Variants in ZNF718 observed in about 807,000 individuals in gnomAD.
The protein encoded by ZNF718 is zinc finger protein 718.
In ZNF718, 3 loss-of-function variants were observed where a neutral mutation model predicts 2.6. The observed-to-expected ratio is 1.16, with a 90% CI of 0.53 to 3.01. The LOEUF is 3.01. Among genes scored for constraint, ZNF718 ranks in the 30% most tolerant of loss-of-function variants. The probability of loss-of-function intolerance (pLI) is 0.03; values close to 1 mark genes in which losing one functional copy is unlikely to be tolerated. For missense variants in ZNF718, 468 were observed against 230.0 expected, an observed-to-expected ratio of 2.03 and a Z score of -6.69; for synonymous variants, 135 against 77.9, an observed-to-expected ratio of 1.73 and a Z score of -3.86.
At chr4:140,537 G>A (rs1024206192) in intron 3 of ZNF718, among the ~76,000 whole-genome samples, 4 of 152,134 alleles carry the variant, frequency 2.6e-5, no homozygotes, top group African/African-American at 9.7e-5. Context: ...GTATGGTTTG[G>A]CCCCAGTGCT....
chr4:181,423 T>C (rs1717460001), intron 3 of ZNF718, among the ~76,000 whole-genome samples: 2 of 152,032 alleles, frequency 1.3e-5, no homozygotes, highest in Admixed American at 1.3e-4. Flanking sequence ...ATTTTAACTT[T>C]TAAAATTAGA....
chr4:156,430 G>A (rs1716569762), intron 3 of ZNF718, among the ~76,000 whole-genome samples: 1 of 152,096 alleles, frequency 6.6e-6, no homozygotes, highest in Non-Finnish European at 1.5e-5. Context: ...TTTGTGATTA[G>A]AAGATAATTT....
At chr4:166,715 A>G (rs1717095917), downstream of ZNF718, among the ~76,000 whole-genome samples, 1 of 151,396 alleles carries the variant, frequency 6.6e-6, no homozygotes, top group African/African-American at 2.4e-5. Flanking sequence ...TTTTTCTTGT[A>G]AATTTGTTTG....
At chr4:174,606 G>A (rs1374569259) in intron 3 of ZNF718, among the ~76,000 whole-genome samples, 1 of 152,180 alleles carries the variant, frequency 6.6e-6, no homozygotes, top group Non-Finnish European at 1.5e-5. Context: ...TCAGCAACAA[G>A]AAACCTAGCT....
downstream of ZNF718, among the ~76,000 whole-genome samples, chr4:167,800 G>C (rs1172167262): frequency 6.6e-6 from 1 of 152,102 alleles, no homozygotes; most frequent in African/African-American, 2.4e-5. Context: ...TCTGCAAACA[G>C]GGACAATTTT....
At chr4:151,246 G>A (rs782168954) in intron 3 of ZNF718, among the ~76,000 whole-genome samples, 2 of 151,886 alleles carry the variant, frequency 1.3e-5, no homozygotes, top group Non-Finnish European at 2.9e-5. Flanking sequence ...GGGACTACAG[G>A]TGCATACTGC....
chr4:173,190 C>T (rs1196076374), intron 3 of ZNF718, among the ~76,000 whole-genome samples: 1 of 151,940 alleles, frequency 6.6e-6, no homozygotes, highest in African/African-American at 2.4e-5. Context: ...CCTTCCCCAC[C>T]CCTCCAGCAA....
intron 3 of ZNF718, among the ~76,000 whole-genome samples, chr4:137,525 T>C (rs1202417695): frequency 1.3e-5 from 2 of 152,202 alleles, no homozygotes; most frequent in African/African-American, 2.4e-5. Context: ...TATTTTTTGT[T>C]TGCTTGATAT....
downstream of ZNF718, among the ~76,000 whole-genome samples, chr4:168,972 T>C (rs1192884207): frequency 1.6e-4 from 24 of 152,346 alleles, no homozygotes; most frequent in African/African-American, 5.8e-4. Context: ...TCTTTCCTGC[T>C]TTCTCTTGTG....
At chr4:164,987 G>A (rs1224971121), downstream of ZNF718, among the ~76,000 whole-genome samples, 1 of 152,102 alleles carries the variant, frequency 6.6e-6, no homozygotes, top group Non-Finnish European at 1.5e-5. Flanking sequence ...TATGTTAAGA[G>A]GACATCTGTT....
chr4:197,535 C>G (rs1332006779), intron 3 of ZNF718, among the ~76,000 whole-genome samples: 4 of 152,146 alleles, frequency 2.6e-5, no homozygotes, highest in African/African-American at 9.7e-5. Context: ...AGCTAAGCCA[C>G]TCTGGGGCCC....
chr4:188,023 C>T (rs1367903511), intron 3 of ZNF718, among the ~76,000 whole-genome samples: 6 of 152,324 alleles, frequency 3.9e-5, no homozygotes, highest in Admixed American at 6.5e-5. Context: ...ACAGTTATGC[C>T]ATGCCTCGAC....
intron 3 of ZNF718, among the ~76,000 whole-genome samples, chr4:152,116 C>T (rs2108796183): frequency 6.7e-6 from 1 of 148,696 alleles, no homozygotes; most frequent in African/African-American, 2.5e-5. Context: ...CCGCAGGTCC[C>T]ACCTCCAGCC....
intron 3 of ZNF718, among the ~76,000 whole-genome samples, chr4:194,734 G>T (rs1008544082): frequency 3.3e-5 from 5 of 152,100 alleles, no homozygotes; most frequent in Admixed American, 2.0e-4. Context: ...AATCTGAGAG[G>T]GAAAAAGACA....
Position 132,850 on chromosome 4 carries a change from C to T in ZNF718, c.226+1345C>T, listed in dbSNP as rs1715379608. On this transcript the variant is annotated intron_variant, in intron 3 of 3. Transcript: ENST00000510175. Reference sequence around the variant, plus strand: ...TTCCAACCTTTTGGCTTCCTTGGACCACATTGGAGGAAAAATTGTCTTGGC... The same window carrying T: ...TTCCAACCTTTTGGCTTCCTTGGACTACATTGGAGGAAAAATTGTCTTGGC... Among the ~76,000 whole-genome samples the T allele has an allele frequency of 3.0e-5, 3 of 100,552 alleles. 1 individual carries two copies. 66.0% of individuals were successfully genotyped at this position (100,552 alleles called of 152,430 possible).
chr4:166,629 T>C (rs1717093864), downstream of ZNF718, among the ~76,000 whole-genome samples: 1 of 152,270 alleles, frequency 6.6e-6, no homozygotes, highest in African/African-American at 2.4e-5. Flanking sequence ...CATGTGTCTC[T>C]TGGCTACCTA....
intron 3 of ZNF718, among the ~76,000 whole-genome samples, chr4:184,110 CT>C (rs1717518966): frequency 6.6e-6 from 1 of 152,080 alleles, no homozygotes; most frequent in Non-Finnish European, 1.5e-5. Flanking sequence ...ATGCTTCCAG[CT>C]TTTGCCCATT....
At chr4:145,688 G>T (rs1716020464) in intron 3 of ZNF718, among the ~76,000 whole-genome samples, 2 of 152,058 alleles carry the variant, frequency 1.3e-5, no homozygotes, top group Admixed American at 1.3e-4. Context: ...GAACTCCTGG[G>T]TTCAAGCACT....
intron 3 of ZNF718, among the ~76,000 whole-genome samples, chr4:184,020 C>T (rs6816881): frequency 0.23 from 35,439 of 151,902 alleles, 4,485 homozygotes; most frequent in Non-Finnish European, 0.29. Context: ...GCCTGATTGC[C>T]GTGGCCACAA....
Sources: allele counts gnomAD v4.1 joint callset (sites outside exome capture counted in the v4.1 genomes callset), GRCh38; gene constraint gnomAD v4.1.1; transcripts MANE v1.5; gene names NCBI Gene and HGNC (gene_info 2026-07-23, HGNC 2026-07-21).